The following ZNF804A variants were observed in gnomAD, a reference collection of about 807,000 sequenced individuals.
The protein encoded by ZNF804A is zinc finger protein 804A.
A neutral mutation model predicts 16.5 loss-of-function variants in ZNF804A; 2 were observed. The observed-to-expected ratio is 0.12, with a 90% CI of 0.05 to 0.38. The LOEUF is 0.38. Ranked by LOEUF, ZNF804A falls within the 10% of genes least tolerant of loss-of-function variation. The pLI is 0.99. For synonymous variants in ZNF804A, 534 were observed against 489.6 expected (o/e 1.09, Z -1.20); for missense variants, 1,473 against 1,390.7 (o/e 1.06, Z -0.94).
At chr2:184,645,607 A>G (rs1157652999) in intron 1 of ZNF804A, among the ~76,000 whole-genome samples, 3 of 152,230 alleles carry the variant, frequency 2.0e-5, no homozygotes, top group East Asian at 1.9e-4. Context: ...ATTGGAATAT[A>G]ATAGGTAGAG....
rs140251730 is a variant in ZNF804A at position 184,843,756 on chromosome 2, C to G, written c.112-22613C>G. ...ATGGCTTTTGTCTTTTTAGTTTTAA[C>G]CTATCTGATTATGTATATTTAAAGT... On this transcript the variant is annotated intron_variant, in intron 1 of 3. Coordinates refer to ENST00000302277, the MANE Select transcript of ZNF804A (RefSeq NM_194250.2). 9.1e-3 allele frequency among the ~76,000 whole-genome samples: 1,383 copies of G among 152,128 alleles called. 22 individuals carry two copies. The highest frequency in any genetic ancestry group is 0.032 in the African/African-American group (1,322 of 41,502).
rs1685845766 is a variant in ZNF804A at position 184,938,838 on chromosome 2, G to C, written c.3442G>C (p.Val1148Leu). 2.5e-6 allele frequency: 4 copies of C among 1,613,942 alleles called. No homozygotes were observed. In the African/African-American group the frequency reaches 4.0e-5, roughly 16 times the overall value. Reference sequence around the variant, plus strand: ...CAGAACCTCATTACCTCAGCTCTCAGTAGGACCAGTAGGACCGAGGCTTTG... The same window carrying C: ...CAGAACCTCATTACCTCAGCTCTCACTAGGACCAGTAGGACCGAGGCTTTG... ...LTRTSLPQLS[V>L]GPVGPRLCPG... Residue 1148 changes from valine to leucine, a missense_variant, in exon 4 of 4, where the codon GTA becomes CTA. Val to Leu is a conservative substitution (Grantham distance 32). Coordinates refer to ENST00000302277, the MANE Select transcript of ZNF804A (RefSeq NM_194250.2).
intron 2 of ZNF804A, among the ~76,000 whole-genome samples, chr2:184,910,566 A>C (rs1444493488): frequency 6.6e-6 from 1 of 152,024 alleles, no homozygotes; most frequent in African/African-American, 2.4e-5. Flanking sequence ...TTTCCACAGT[A>C]GCTGAGCTAA....
At chr2:184,770,184 T>C (rs1281671632) in intron 1 of ZNF804A, among the ~76,000 whole-genome samples, 1 of 152,030 alleles carries the variant, frequency 6.6e-6, no homozygotes, top group Non-Finnish European at 1.5e-5. Flanking sequence ...CTAAAAAATA[T>C]GTGGTCCAAA....
At chr2:184,814,023 G>GTTTTTTTTTTT (rs1231774388) in intron 1 of ZNF804A, among the ~76,000 whole-genome samples, 8 of 109,330 alleles carry the variant, frequency 7.3e-5, no homozygotes, top group Admixed American at 4.4e-4. Context: ...TTTTTTTTTG[G>GTTTTTTTTTTT]CTTGTCTACT....
intron 1 of ZNF804A, among the ~76,000 whole-genome samples, chr2:184,782,532 C>T (rs963600032): frequency 1.3e-5 from 2 of 151,410 alleles, no homozygotes; most frequent in African/African-American, 4.8e-5. Context: ...ATGCTTCCTG[C>T]CCTTGAACAT....
chr2:184,903,594 T>C (rs1177325369), intron 2 of ZNF804A, among the ~76,000 whole-genome samples: 1 of 152,140 alleles, frequency 6.6e-6, no homozygotes, highest in Non-Finnish European at 1.5e-5. Flanking sequence ...ATGACTGTAG[T>C]ATAAGAGTTT....
chr2:184,926,352 T>C (rs1017787263), intron 2 of ZNF804A, among the ~76,000 whole-genome samples: 3 of 152,062 alleles, frequency 2.0e-5, no homozygotes, highest in East Asian at 1.9e-4. Flanking sequence ...ACAGTTTCCA[T>C]TGAAATGGCT....
chr2:184,648,080 C>T (rs1259792303), intron 1 of ZNF804A, among the ~76,000 whole-genome samples: 1 of 152,056 alleles, frequency 6.6e-6, no homozygotes, highest in Non-Finnish European at 1.5e-5. Context: ...TTGCACATGT[C>T]CCCTAGAAGT....
intron 1 of ZNF804A, among the ~76,000 whole-genome samples, chr2:184,691,054 TA>T: frequency 6.6e-6 from 1 of 152,032 alleles, no homozygotes; most frequent in Admixed American, 6.6e-5. Context: ...CTTTTAAAAA[TA>T]AGATATATTT....
chr2:184,829,941 A>AAAAAAAAC (rs1558975002), intron 1 of ZNF804A, among the ~76,000 whole-genome samples: 1 of 146,082 alleles, frequency 6.8e-6, no homozygotes, highest in African/African-American at 2.6e-5. Context: ...AAAAAAAAAA[A>AAAAAAAAC]ACCACACACA....
chr2:184,853,750 G>A (rs559714636), intron 1 of ZNF804A, among the ~76,000 whole-genome samples: 60 of 151,660 alleles, frequency 4.0e-4, no homozygotes, highest in African/African-American at 1.4e-3. Flanking sequence ...AATCTCAACT[G>A]ATCTTGGTAA....
chr2:184,866,077 G>A (rs575790133), intron 1 of ZNF804A, among the ~76,000 whole-genome samples: 7 of 152,218 alleles, frequency 4.6e-5, no homozygotes, highest in African/African-American at 1.7e-4. Context: ...CAGTTTTTAT[G>A]CTAACCTAGC....
intron 1 of ZNF804A, among the ~76,000 whole-genome samples, chr2:184,753,357 A>C (rs994458207): frequency 2.6e-5 from 4 of 151,748 alleles, no homozygotes; most frequent in Admixed American, 6.6e-5. Flanking sequence ...ATAGTCATAC[A>C]TAAAATCTGA....
chr2:184,690,338 G>A (rs1227546590), intron 1 of ZNF804A, among the ~76,000 whole-genome samples: 3 of 151,948 alleles, frequency 2.0e-5, no homozygotes, highest in Admixed American at 2.0e-4. Context: ...AAACCATCAA[G>A]TAAAGATTAT....
intron 3 of ZNF804A, among the ~76,000 whole-genome samples, chr2:184,934,888 A>G (rs898205077): frequency 2.0e-5 from 3 of 152,172 alleles, no homozygotes; most frequent in Non-Finnish European, 2.9e-5. Context: ...TCTGTTACTT[A>G]GCAGATAAAG....
At position 184,599,133 on chromosome 2, in the gene ZNF804A, T is replaced by G. The variant is rs564069870; in HGVS notation, c.111+63T>G. ...TTAAGAGGGCATTTGGAAGATTGAGTTTTTGGAGGTTTTGAGATTCAGTTT... is the reference window on the plus strand; with the variant it reads ...TTAAGAGGGCATTTGGAAGATTGAGGTTTTGGAGGTTTTGAGATTCAGTTT... On this transcript the variant is annotated intron_variant, in intron 1 of 3. Transcript: ENST00000302277. 2.1e-5 allele frequency: 27 copies of G among 1,288,104 alleles called. No individual in the cohort carries two copies. In the South Asian group the frequency reaches 3.0e-4, roughly 14 times the overall value. 79.8% of individuals were successfully genotyped at this position (1,288,104 alleles called of 1,614,324 possible). A position where few individuals can be genotyped will look rare whatever the true frequency, so the allele number is the denominator to read the frequency against.
chr2:184,872,139 A>G (rs1269041317), intron 2 of ZNF804A, among the ~76,000 whole-genome samples: 1 of 152,156 alleles, frequency 6.6e-6, no homozygotes, highest in Non-Finnish European at 1.5e-5. Context: ...CATTTATTTC[A>G]TAAAATTTAG....
At chr2:184,876,725 C>A (rs1209571443) in intron 2 of ZNF804A, among the ~76,000 whole-genome samples, 1 of 152,150 alleles carries the variant, frequency 6.6e-6, no homozygotes, top group African/African-American at 2.4e-5. Context: ...CGTACACCTT[C>A]CCCAAGTCAA....
Sources: allele counts gnomAD v4.1 joint callset (sites outside exome capture counted in the v4.1 genomes callset), GRCh38; gene constraint gnomAD v4.1.1; transcripts MANE v1.5; gene names NCBI Gene and HGNC (gene_info 2026-07-23, HGNC 2026-07-21).